SYN2: variants seen among roughly 807,000 people sequenced by gnomAD.
SYN2 encodes synapsin II.
SYN2 carries 19 observed loss-of-function variants against 50.9 expected under a neutral mutation model. The ratio of observed to expected loss-of-function variants is 0.37; its 90% CI spans 0.26 to 0.55. SYN2 has a LOEUF of 0.55. Ranked by LOEUF, SYN2 falls within the 20% of genes least tolerant of loss-of-function variation. SYN2 has a pLI of 0.81. For missense variants in SYN2, 587 were observed against 576.4 expected, an observed-to-expected ratio of 1.02 and a Z score of -0.19; for synonymous variants, 255 against 224.9, an observed-to-expected ratio of 1.13 and a Z score of -1.20.
At chr3:12,064,632 A>G (rs1695172958) in intron 1 of SYN2, among the ~76,000 whole-genome samples, 1 of 152,132 alleles carries the variant, frequency 6.6e-6, no homozygotes, top group Admixed American at 6.6e-5. Context: ...AAAGATGCTC[A>G]ACCTCATTAG....
At chr3:12,185,023 T>C in intron 11 of SYN2, 1 of 985,868 alleles carries the variant, frequency 1.0e-6, no homozygotes. Context: ...GCTTGTGCCT[T>C]GGTTTCTCCT....
intron 1 of SYN2, among the ~76,000 whole-genome samples, chr3:12,085,262 CTG>C (rs1377138105): frequency 2.0e-5 from 3 of 151,666 alleles, no homozygotes; most frequent in African/African-American, 2.4e-5. Context: ...AATTCAAAAA[CTG>C]TAAAAAAAGA....
intron 4 of SYN2, among the ~76,000 whole-genome samples, chr3:12,148,247 T>A (rs575980441): frequency 7.9e-5 from 12 of 152,284 alleles, no homozygotes; most frequent in African/African-American, 2.6e-4. Flanking sequence ...GGGGTCACAC[T>A]CTCACCCATT....
Position 12,153,318 on chromosome 3 carries a change from G to A in SYN2, c.774+1992G>A, listed in dbSNP as rs182058887. The A allele has an allele frequency of 6.4e-6, 4 of 626,090 alleles. No individual in the cohort carries two copies. In the East Asian group the frequency reaches 1.1e-4, roughly 17 times the overall value. 38.8% of individuals were successfully genotyped at this position (626,090 alleles called of 1,614,324 possible). A position where few individuals can be genotyped will look rare whatever the true frequency, so the allele number is the denominator to read the frequency against. On this transcript the variant is annotated intron_variant, in intron 5 of 12. Coordinates refer to ENST00000621198, the MANE Select transcript of SYN2 (RefSeq NM_133625.6). ...AAGGCTAGACTAATGGGGTTTGGGAGGCAGGGGCAACAGGCTGAGGGCAGG... is the reference window on the plus strand; with the variant it reads ...AAGGCTAGACTAATGGGGTTTGGGAAGCAGGGGCAACAGGCTGAGGGCAGG...
chr3:12,025,397 G>A (rs1486007294), intron 1 of SYN2, among the ~76,000 whole-genome samples: 3 of 152,170 alleles, frequency 2.0e-5, no homozygotes, highest in Admixed American at 1.3e-4. Context: ...AGGAAGAAAG[G>A]GATTATTGGT....
In SYN2 at chr3:12,190,766, G is replaced by T; in HGVS notation, c.*141G>T. On this transcript the variant is annotated 3_prime_UTR_variant, in exon 13 of 13. Transcript: ENST00000621198. The stretch of plus-strand genomic sequence containing the variant: ...CCTCTGCTCTGTTGTACTAAGTGAT[G>T]TTGTGCAGCCCAGAAAGGACCATTT... 1 of 1,429,516 alleles carries T rather than the reference G, an allele frequency of 7.0e-7. No homozygotes were observed. 88.6% of individuals were successfully genotyped at this position (1,429,516 alleles called of 1,614,324 possible).
intron 1 of SYN2, among the ~76,000 whole-genome samples, chr3:12,043,682 T>G (rs2125150503): frequency 6.6e-6 from 1 of 152,322 alleles, no homozygotes; most frequent in African/African-American, 2.4e-5. Flanking sequence ...AAAACTGTGA[T>G]GTCCATTCTA....
chr3:12,132,733 C>T (rs1435723815), intron 1 of SYN2, among the ~76,000 whole-genome samples: 1 of 152,196 alleles, frequency 6.6e-6, no homozygotes, highest in Non-Finnish European at 1.5e-5. Context: ...ACAGCTTGTA[C>T]AAGATGGGGT....
intron 1 of SYN2, among the ~76,000 whole-genome samples, chr3:12,101,301 A>G (rs1696069279): frequency 6.6e-6 from 1 of 152,238 alleles, no homozygotes; most frequent in African/African-American, 2.4e-5. Context: ...TTAGTATTCA[A>G]CCAGAAAAAG....
intron 1 of SYN2, among the ~76,000 whole-genome samples, chr3:12,034,183 T>A (rs752597334): frequency 6.6e-6 from 1 of 152,236 alleles, no homozygotes; most frequent in African/African-American, 2.4e-5. Context: ...ACATCCTCAG[T>A]GACAGTAGTT....
At position 12,179,405 on chromosome 3, in the gene SYN2, C is replaced by T. The variant is rs111900711; in HGVS notation, c.1309-3907C>T. ...AAAAAAAAAAAAAAAAAAGCATAAA[C>T]GAATTCATGGAAGCCTAGAGCCAGA... On this transcript the variant is annotated intron_variant, in intron 10 of 12. Coordinates refer to ENST00000621198, the MANE Select transcript of SYN2 (RefSeq NM_133625.6). Among the ~76,000 whole-genome samples, 523 of 134,364 alleles carry T rather than the reference C, an allele frequency of 3.9e-3. 3 individuals carry two copies. Among genetic ancestry groups the T allele is most frequent in the South Asian group, 4.1e-3 (17 of 4,154 alleles). 88.1% of individuals were successfully genotyped at this position (134,364 alleles called of 152,430 possible).
In SYN2 at chr3:12,167,354, G is replaced by T. The variant is rs569547003; in HGVS notation, c.1055+46G>T. The T allele has an allele frequency of 5.9e-5, 92 of 1,565,396 alleles. No homozygotes were observed. The East Asian group carries it at 2.0e-3, about 34-fold the overall frequency. ...CAGTTTCCAGCCCAGTGAGAGGGAG[G>T]CTTCCTTAGATGAAGAAGTTTAGGA... On this transcript the variant is annotated intron_variant, in intron 8 of 12. Transcript: ENST00000621198.
intron 4 of SYN2, among the ~76,000 whole-genome samples, chr3:12,147,104 A>G (rs1453520006): frequency 6.6e-6 from 1 of 152,126 alleles, no homozygotes; most frequent in Admixed American, 6.5e-5. Context: ...CAGCTGTCAC[A>G]CGCCCTGGAT....
At chr3:12,161,396 TG>T in intron 5 of SYN2, 149 bp from the exon 6 acceptor site, 1 of 814,044 alleles carries the variant, frequency 1.2e-6, no homozygotes, top group Non-Finnish European at 2.0e-6. Flanking sequence ...TGTCATTCCA[TG>T]GGTCTCAGTT....
At chr3:12,132,509 TC>T (rs1574957921) in intron 1 of SYN2, among the ~76,000 whole-genome samples, 1 of 152,188 alleles carries the variant, frequency 6.6e-6, no homozygotes, top group East Asian at 1.9e-4. Context: ...TTGTGTAGGG[TC>T]ACTCAGTGTT....
At chr3:12,069,785 C>T (rs1258059028) in intron 1 of SYN2, among the ~76,000 whole-genome samples, 2 of 151,102 alleles carry the variant, frequency 1.3e-5, no homozygotes, top group African/African-American at 4.9e-5. Context: ...TTTGGTACCT[C>T]GGTTTTGTTT....
intron 3 of SYN2, among the ~76,000 whole-genome samples, chr3:12,144,833 CAACATGGCG>C (rs1207554467): frequency 6.6e-6 from 1 of 152,070 alleles, no homozygotes; most frequent in Non-Finnish European, 1.5e-5. Flanking sequence ...CCAGCTTGTC[CAACATGGCG>C]AACATGGCAA....
intron 1 of SYN2, among the ~76,000 whole-genome samples, chr3:12,112,275 A>G (rs976024219): frequency 6.6e-6 from 1 of 151,988 alleles, no homozygotes; most frequent in Non-Finnish European, 1.5e-5. Flanking sequence ...GATCAGCTCT[A>G]TTTTCTTTGA....
At chr3:12,135,006 T>C (rs115884045) in intron 1 of SYN2, among the ~76,000 whole-genome samples, 1 of 152,234 alleles carries the variant, frequency 6.6e-6, no homozygotes, top group African/African-American at 2.4e-5. Flanking sequence ...CGGCGTTTCT[T>C]TCTACAAGTT....
Sources: allele counts gnomAD v4.1 joint callset (sites outside exome capture counted in the v4.1 genomes callset), GRCh38; gene constraint gnomAD v4.1.1; transcripts MANE v1.5; gene names NCBI Gene and HGNC (gene_info 2026-07-23, HGNC 2026-07-21).